The following ARHGEF10 variants were observed in gnomAD, a reference collection of about 807,000 sequenced individuals.
ARHGEF10 encodes Rho guanine nucleotide exchange factor (GEF) 10.
A neutral mutation model predicts 147.4 loss-of-function variants in ARHGEF10; 140 were observed. The ratio of observed to expected loss-of-function variants is 0.95; its 90% CI spans 0.83 to 1.09. ARHGEF10 has a LOEUF of 1.09. Ranked by LOEUF, ARHGEF10 falls within the 50% of genes least tolerant of loss-of-function variation. The pLI is 0.00. For missense variants in ARHGEF10, 2,222 were observed against 1,752.7 expected (o/e 1.27, Z -4.78); for synonymous variants, 902 against 695.8 (o/e 1.30, Z -4.67).
intron 9 of ARHGEF10, among the ~76,000 whole-genome samples, chr8:1,880,398 C>T (rs890057593): frequency 8.5e-5 from 13 of 152,232 alleles, no homozygotes; most frequent in African/African-American, 3.1e-4. Flanking sequence ...GCTGTGGCCT[C>T]ACCGCTGGCG....
At chr8:1,883,906 G>A (rs1585384889) in intron 10 of ARHGEF10, among the ~76,000 whole-genome samples, 1 of 152,268 alleles carries the variant, frequency 6.6e-6, no homozygotes, top group East Asian at 1.9e-4. Context: ...GATTCCAGGA[G>A]CTGATCACAA....
chr8:1,860,394 C>A (rs1258183745), intron 4 of ARHGEF10, among the ~76,000 whole-genome samples: 4 of 139,978 alleles, frequency 2.9e-5, no homozygotes, highest in Admixed American at 2.1e-4. Context: ...ACCTTCCCCC[C>A]TCCTCCTCCT....
At position 1,937,928 on chromosome 8, in the gene ARHGEF10, A is replaced by G. The variant is rs1585611979; in HGVS notation, c.3222+3986A>G. ...TGACTGTGCCAGTGGAGGAGTCAGC[A>G]TACCGGTGGGGGTGGCTGGCCCCGT... On this transcript the variant is annotated intron_variant, in intron 26 of 28. Transcript: ENST00000349830. The surrounding 1 kb of genome is among the most constrained non-coding windows in gnomAD (Gnocchi z 4.9). Among the ~76,000 whole-genome samples, 1 of 152,322 alleles carries G rather than the reference A, an allele frequency of 6.6e-6. No homozygotes were observed. Among genetic ancestry groups the G allele is most frequent in the Non-Finnish European group, 1.5e-5 (1 of 68,026 alleles).
rs190800402 is a variant in ARHGEF10 at position 1,856,584 on chromosome 8, C to T, written c.38-1376C>T. On this transcript the variant is annotated intron_variant, in intron 2 of 28. Transcript: ENST00000349830. ...CTTCCCCAGGAGGCTCGGCAGAGAG[C>T]GCCTGGAGACTGCGTGGAGTGTAAG... is the stretch of plus-strand genomic sequence containing the variant. Among the ~76,000 whole-genome samples the T allele has an allele frequency of 3.9e-5, 6 of 152,332 alleles. No homozygotes were observed. The East Asian group carries it at 7.7e-4, about 20-fold the overall frequency.
At chr8:1,903,175 C>A in intron 15 of ARHGEF10, 106 bp from the exon 16 acceptor site, 2 of 1,386,692 alleles carry the variant, frequency 1.4e-6, no homozygotes, top group South Asian at 1.2e-5. Flanking sequence ...CCCAGGATGG[C>A]AGATGCCACT....
At chr8:1,903,598 C>G (rs111999716) in intron 16 of ARHGEF10, 147 bp downstream of exon 16, 1 of 955,002 alleles carries the variant, frequency 1.0e-6, no homozygotes, top group Non-Finnish European at 1.6e-6. Context: ...TGGAGGCCTT[C>G]GGGAGAGTCA....
intron 7 of ARHGEF10, chr8:1,870,375 A>T (rs1043583830): frequency 6.6e-6 from 1 of 152,146 alleles, no homozygotes; most frequent in Non-Finnish European, 1.5e-5. Flanking sequence ...AAGAAAATAT[A>T]AAATAAGAAA....
chr8:1,897,212 G>C (rs1810048190), intron 14 of ARHGEF10, among the ~76,000 whole-genome samples: 1 of 152,234 alleles, frequency 6.6e-6, no homozygotes, highest in Non-Finnish European at 1.5e-5. Context: ...CACAGGGCAA[G>C]TATTCTCGCC....
intron 17 of ARHGEF10, among the ~76,000 whole-genome samples, chr8:1,908,478 T>C (rs111924131): frequency 0.19 from 28,328 of 152,072 alleles, 2,766 homozygotes; most frequent in Non-Finnish European, 0.2. Flanking sequence ...GTGATCTGCC[T>C]GCCTTGGCCT....
In ARHGEF10 at chr8:1,957,400, A is replaced by G. The variant is rs768056143; in HGVS notation, c.*137A>G. On this transcript the variant is annotated 3_prime_UTR_variant, in exon 29 of 29. Transcript: ENST00000349830. ...ACAGTATTTGGGGGAGAAACGTGCAATAGCGTAATGGTGGTGTCCCTGCCA... is the reference window on the plus strand; with the variant it reads ...ACAGTATTTGGGGGAGAAACGTGCAGTAGCGTAATGGTGGTGTCCCTGCCA... The G allele has an allele frequency of 7.6e-4, 950 of 1,247,516 alleles. 2 individuals are homozygous for G. The highest frequency in any genetic ancestry group is 1.0e-3 in the Non-Finnish European group (901 of 898,428). The allele number at this position is 1,247,516 out of a possible 1,614,324, so 77.3% of individuals were successfully genotyped here. A position where few individuals can be genotyped will look rare whatever the true frequency, so the allele number is the denominator to read the frequency against.
intron 25 of ARHGEF10, 103 bp downstream of exon 25, chr8:1,929,546 G>A (rs1377343581): frequency 1.8e-5 from 24 of 1,348,290 alleles, no homozygotes; most frequent in South Asian, 3.0e-5. Context: ...CCTGCCTCCC[G>A]CCCCTGTGCC....
chr8:1,881,743 C>T (rs1034889254), intron 9 of ARHGEF10, among the ~76,000 whole-genome samples: 5 of 152,210 alleles, frequency 3.3e-5, no homozygotes, highest in African/African-American at 7.2e-5. Flanking sequence ...GCTGTCTGCA[C>T]GCTGGTGCCC....
At position 1,933,954 on chromosome 8, in the gene ARHGEF10, A is replaced by C; in HGVS notation, c.3222+12A>C. 1 of 1,614,214 alleles carries C rather than the reference A, an allele frequency of 6.2e-7. No individual in the cohort carries two copies. Among genetic ancestry groups the C allele is most frequent in the Non-Finnish European group, 8.5e-7 (1 of 1,180,040 alleles). ...CTCATGCTGTAGAGGTAAGTCACTT[A>C]GGTGGCTACACGGTGTGGAAAAAAT... On this transcript the variant is annotated intron_variant, in intron 26 of 28. Transcript: ENST00000349830.
intron 27 of ARHGEF10, among the ~76,000 whole-genome samples, chr8:1,946,137 C>G (rs1483384404): frequency 6.6e-6 from 1 of 152,102 alleles, no homozygotes; most frequent in East Asian, 1.9e-4. Flanking sequence ...GGGAGAAGGC[C>G]ATTACACATT....
chr8:1,956,140 A>C (rs1014074974), intron 28 of ARHGEF10, among the ~76,000 whole-genome samples: 1 of 152,210 alleles, frequency 6.6e-6, no homozygotes, highest in Non-Finnish European at 1.5e-5. Context: ...TTACAGAATC[A>C]GTGTGGGGGT....
rs111623803 is a variant in ARHGEF10 at position 1,857,603 on chromosome 8, A to G, written c.38-357A>G. Reference sequence around the variant, plus strand: ...CCTGGCTAATTTTTTTATTTTTAGTAGAGATGGGGTTTCACCATGTTGGCC... The same window carrying G: ...CCTGGCTAATTTTTTTATTTTTAGTGGAGATGGGGTTTCACCATGTTGGCC... On this transcript the variant is annotated intron_variant, in intron 2 of 28. Transcript: ENST00000349830. Among the ~76,000 whole-genome samples the G allele has an allele frequency of 2.0e-3, 297 of 151,928 alleles. 1 individual carries two copies. Among genetic ancestry groups the G allele is most frequent in the African/African-American group, 6.8e-3 (280 of 41,426 alleles).
At chr8:1,861,889 T>A (rs1259584022) in intron 4 of ARHGEF10, among the ~76,000 whole-genome samples, 3 of 152,250 alleles carry the variant, frequency 2.0e-5, no homozygotes, top group Non-Finnish European at 4.4e-5. Context: ...TTTCTTATTT[T>A]AAAATATTAT....
intron 1 of ARHGEF10, among the ~76,000 whole-genome samples, chr8:1,832,775 GGC>G (rs1440541616): frequency 1.6e-5 from 2 of 126,442 alleles, no homozygotes; most frequent in Admixed American, 1.6e-4. Flanking sequence ...CAGAGACAGA[GGC>G]AGAGACAGAG....
intron 15 of ARHGEF10, 62 bp from the exon 16 acceptor site, chr8:1,903,219 G>T (rs532402009): frequency 1.9e-6 from 3 of 1,594,592 alleles, no homozygotes; most frequent in Non-Finnish European, 2.6e-6. Flanking sequence ...CGGGTGACGC[G>T]ACTGTTGTTG....
Sources: gnomAD v4.1 joint callset for allele counts (sites outside exome capture counted in the v4.1 genomes callset) on GRCh38, gnomAD v4.1.1 for gene constraint, Gnocchi (gnomAD v3.1) non-coding constraint, MANE v1.5 for transcripts, NCBI Gene and HGNC (gene_info 2026-07-23, HGNC 2026-07-21) for gene names.